FRAS1: variants seen among roughly 807,000 people sequenced by gnomAD.
The protein encoded by FRAS1 is extracellular matrix organizing protein FRAS1.
In FRAS1, 290 loss-of-function variants were observed where a neutral mutation model predicts 435.2. The ratio of observed to expected loss-of-function variants is 0.67; its 90% confidence interval spans 0.61 to 0.73. The LOEUF (loss-of-function observed/expected upper bound fraction) is 0.73. Among genes scored for constraint, FRAS1 ranks in the 30% least tolerant of loss-of-function variants. The pLI is 0.00. For synonymous variants in FRAS1, 1,800 were observed against 1,851.0 expected (o/e 0.97, Z 0.71); for missense variants, 4,860 against 5,001.5 (o/e 0.97, Z 0.85).
chr4:78,540,847 T>C lies in FRAS1; in HGVS notation c.11762T>C (p.Leu3921Ser). 1 of 1,613,984 alleles carries C rather than the reference T, an allele frequency of 6.2e-7. No individual in the cohort carries two copies. Among genetic ancestry groups the C allele is most frequent in the Non-Finnish European group, 8.5e-7 (1 of 1,179,880 alleles). Residue 3921 changes from leucine to serine, a missense_variant, in exon 74 of 74, where the codon TTG becomes TCG. By Grantham distance (145) the Leu-to-Ser change is moderately radical. Transcript: ENST00000512123. ...ATCATGCTTCTACTTCTGGTGTTTT[T>C]GGTGGCTTGTTTTATCAACAGGAAA... ...AAIMLLLLVF[L>S]VACFINRKCQ...
chr4:78,489,979 A>AAAAAAAAG (rs1560410060), intron 59 of FRAS1, among the ~76,000 whole-genome samples: 2 of 150,640 alleles, frequency 1.3e-5, no homozygotes, highest in Non-Finnish European at 3.0e-5. Context: ...AAAAAAAAAA[A>AAAAAAAAG]AAAAAAAAGA....
At chr4:78,250,735 G>C (rs72657023) in intron 4 of FRAS1, among the ~76,000 whole-genome samples, 1 of 152,168 alleles carries the variant, frequency 6.6e-6, no homozygotes, top group African/African-American at 2.4e-5. Flanking sequence ...AGGTGTTATC[G>C]TGAGGGAAGG....
At chr4:78,059,299 C>G (rs1222049206) in intron 1 of FRAS1, among the ~76,000 whole-genome samples, 1 of 152,112 alleles carries the variant, frequency 6.6e-6, no homozygotes, top group Non-Finnish European at 1.5e-5. Flanking sequence ...TGCTGGCTTC[C>G]CAAGAGAAAG....
chr4:78,509,098 A>G, intron 63 of FRAS1, 92 bp downstream of exon 63: 1 of 1,369,500 alleles, frequency 7.3e-7, no homozygotes. Flanking sequence ...CTTATGGTCC[A>G]TGCATGGCAT....
intron 3 of FRAS1, among the ~76,000 whole-genome samples, chr4:78,244,367 A>T (rs1725141056): frequency 6.6e-6 from 1 of 152,092 alleles, no homozygotes; most frequent in Non-Finnish European, 1.5e-5. Flanking sequence ...CTAATGTAGG[A>T]TCTCCTACCA....
chr4:78,287,838 G>A (rs1426148643), intron 14 of FRAS1, among the ~76,000 whole-genome samples: 1 of 152,116 alleles, frequency 6.6e-6, no homozygotes, highest in Non-Finnish European at 1.5e-5. Flanking sequence ...CACTAATACT[G>A]TTTATGCCAC....
intron 2 of FRAS1, among the ~76,000 whole-genome samples, chr4:78,116,625 C>G (rs994121509): frequency 6.6e-6 from 1 of 152,126 alleles, no homozygotes; most frequent in African/African-American, 2.4e-5. Context: ...GGTTTAAAGT[C>G]TGTTTTATCA....
intron 20 of FRAS1, among the ~76,000 whole-genome samples, chr4:78,354,827 C>T (rs1381108746): frequency 2.6e-5 from 4 of 152,162 alleles, no homozygotes; most frequent in African/African-American, 9.7e-5. Flanking sequence ...GCCATTGCGT[C>T]GACAGTACAC....
chr4:78,524,380 C>G (rs867381421), intron 69 of FRAS1, among the ~76,000 whole-genome samples: 57 of 152,290 alleles, frequency 3.7e-4, no homozygotes, highest in African/African-American at 1.3e-3. Flanking sequence ...AGGATAATAT[C>G]AAGACCGTAG....
intron 68 of FRAS1, among the ~76,000 whole-genome samples, chr4:78,521,858 TAAGAAC>T (rs1407181617): frequency 6.6e-6 from 1 of 152,204 alleles, no homozygotes; most frequent in Non-Finnish European, 1.5e-5. Context: ...TGACATCTCC[TAAGAAC>T]AAGGACATTC....
At chr4:78,495,108 G>A (rs1176701647) in intron 59 of FRAS1, among the ~76,000 whole-genome samples, 2 of 151,534 alleles carry the variant, frequency 1.3e-5, no homozygotes, top group African/African-American at 2.4e-5. Flanking sequence ...TAGCTTATTG[G>A]GTTTCCAATA....
At chr4:78,507,739 T>C in intron 62 of FRAS1, 131 bp downstream of exon 62, 1 of 823,834 alleles carries the variant, frequency 1.2e-6, no homozygotes, top group Non-Finnish European at 1.8e-6. Context: ...TTGCCTTCCA[T>C]CATCCCCTTT....
chr4:78,456,919 A>G (rs1351676996), intron 47 of FRAS1, among the ~76,000 whole-genome samples: 1 of 152,154 alleles, frequency 6.6e-6, no homozygotes, highest in East Asian at 1.9e-4. Flanking sequence ...GCTCCAAGAG[A>G]CAGCTCTCAA....
chr4:78,124,892 A>G (rs1560536738), intron 2 of FRAS1, among the ~76,000 whole-genome samples: 1 of 151,956 alleles, frequency 6.6e-6, no homozygotes, highest in East Asian at 1.9e-4. Flanking sequence ...ACTCTTTATT[A>G]GTCTTGCTAG....
intron 45 of FRAS1, 82 bp from the exon 46 acceptor site, chr4:78,451,690 C>A: frequency 8.6e-7 from 1 of 1,160,458 alleles, no homozygotes. Context: ...GGTGTGAACA[C>A]CAATTGAATT....
chr4:78,136,326 C>A (rs1375336502), intron 2 of FRAS1, among the ~76,000 whole-genome samples: 1 of 152,140 alleles, frequency 6.6e-6, no homozygotes, highest in Non-Finnish European at 1.5e-5. Context: ...GGAATGTGTG[C>A]ATTTGGGTGA....
At chr4:78,061,026 T>C (rs1025396345) in intron 1 of FRAS1, among the ~76,000 whole-genome samples, 19 of 152,216 alleles carry the variant, frequency 1.2e-4, no homozygotes, top group African/African-American at 4.1e-4. Context: ...TTCACATTTT[T>C]AGTAGAGACA....
Position 78,118,711 on chromosome 4 carries a change from G to C in FRAS1, c.108+52695G>C, listed in dbSNP as rs547116134. Among the ~76,000 whole-genome samples, 406 of 152,260 alleles carry C rather than the reference G, an allele frequency of 2.7e-3. 1 individual carries two copies. The highest frequency in any genetic ancestry group is 4.2e-3 in the Non-Finnish European group (284 of 68,006). On this transcript the variant is annotated intron_variant, in intron 2 of 73. Coordinates refer to ENST00000512123, the MANE Select transcript of FRAS1 (RefSeq NM_025074.7). ...GGAGTGACCCGATTTTCCAGGTGCT[G>C]TCTGTCAACCCTTTCTTTGACTAGG...
intron 30 of FRAS1, among the ~76,000 whole-genome samples, chr4:78,401,450 A>T (rs1037421311): frequency 6.6e-6 from 1 of 152,216 alleles, no homozygotes; most frequent in Non-Finnish European, 1.5e-5. Context: ...GATAGAGAGA[A>T]ATCTCCAGGT....
Sources: gnomAD v4.1 joint callset for allele counts (sites outside exome capture counted in the v4.1 genomes callset) on GRCh38, gnomAD v4.1.1 for gene constraint, MANE v1.5 for transcripts, NCBI Gene and HGNC (gene_info 2026-07-23, HGNC 2026-07-21) for gene names.